Variants in ACAA1 observed in about 807,000 individuals in gnomAD.
The protein encoded by ACAA1 is acetyl-CoA acyltransferase 1.
A neutral mutation model predicts 48.8 loss-of-function variants in ACAA1; 44 were observed. That is an observed-to-expected ratio of 0.90 (90% CI 0.71 to 1.16). ACAA1 has a LOEUF of 1.16. Among genes scored for constraint, ACAA1 ranks in the 50% most tolerant of loss-of-function variants. ACAA1 has a pLI of 0.00. For synonymous variants in ACAA1, 233 were observed against 226.5 expected, an observed-to-expected ratio of 1.03 and a Z score of -0.26; for missense variants, 512 against 562.3, an observed-to-expected ratio of 0.91 and a Z score of 0.90.
intron 11 of ACAA1, chr3:38,123,964 A>T (rs1404340739): frequency 1.3e-5 from 2 of 151,484 alleles, no homozygotes; most frequent in African/African-American, 4.8e-5. Flanking sequence ...CCGAGATCAC[A>T]CCACTGCACT....
chr3:38,134,100 T>A, intron 2 of ACAA1, 91 bp from the exon 3 acceptor site: 1 of 1,317,222 alleles, frequency 7.6e-7, no homozygotes, highest in Non-Finnish European at 1.1e-6. Flanking sequence ...GCATTCCAGA[T>A]CTTTCTTCGG....
At position 38,137,006 on chromosome 3, in the gene ACAA1, G is replaced by A; in HGVS notation, c.30C>T (p.His10=). MQRLQVVLG[H]LRGPADSGWM... ...AGCCGGAATCGGCCGGACCCCTCAG[G>A]TGGCCCAGCACTACCTGCAGCCTCT... is the stretch of plus-strand genomic sequence containing the variant. Residue 10 remains histidine (H), a synonymous_variant, in exon 1 of 12, where the codon CAC becomes CAT. Transcript: ENST00000333167. 1.9e-6 allele frequency: 3 copies of A among 1,566,832 alleles called. No individual in the cohort carries two copies. The highest frequency in any genetic ancestry group is 2.6e-6 in the Non-Finnish European group (3 of 1,158,150).
intron 2 of ACAA1, chr3:38,134,547 G>T (rs1331010095): frequency 2.2e-6 from 1 of 455,470 alleles, no homozygotes; most frequent in South Asian, 1.6e-5. Flanking sequence ...GAAACTCCAT[G>T]TTGATCTGTA....
At chr3:38,131,327 T>C (rs1700782856) in intron 5 of ACAA1, among the ~76,000 whole-genome samples, 1 of 152,194 alleles carries the variant, frequency 6.6e-6, no homozygotes, top group African/African-American at 2.4e-5. Context: ...TCAAAATGTT[T>C]TCCCACCTTT....
chr3:38,126,657 C>CAATCTCAGCA lies in ACAA1; in HGVS notation c.669_670insTGCTGAGATT (p.Val224CysfsTer2). 1 of 1,614,144 alleles carries CAATCTCAGCA rather than the reference C, an allele frequency of 6.2e-7. No individual in the cohort carries two copies. Among genetic ancestry groups the CAATCTCAGCA allele is most frequent in the Non-Finnish European group, 8.5e-7 (1 of 1,180,006 alleles). Reference sequence around the variant, plus strand: ...TCATGGACCGTGGTGGTCACAGGCACAATCTCAGCTTGGAAACAGCCCTTG... The same window carrying CAATCTCAGCA: ...TCATGGACCGTGGTGGTCACAGGCACAATCTCAGCAAATCTCAGCTTGGAAACAGCCCTTG... On this transcript the variant is annotated stop_gained and frameshift_variant, in exon 8 of 12. Transcript: ENST00000333167. LOFTEE classifies it high-confidence loss of function. The surrounding 1 kb of genome is among the most constrained non-coding windows in gnomAD (Gnocchi z 4.7).
intron 5 of ACAA1, among the ~76,000 whole-genome samples, chr3:38,131,034 C>T (rs1011539022): frequency 2.6e-5 from 4 of 152,242 alleles, no homozygotes; most frequent in Non-Finnish European, 5.9e-5. Context: ...ACTTCTGCAG[C>T]TCCATTTGCT....
chr3:38,128,513 A>G (rs1700723917), intron 6 of ACAA1, among the ~76,000 whole-genome samples: 1 of 152,250 alleles, frequency 6.6e-6, no homozygotes, highest in Admixed American at 6.5e-5. Flanking sequence ...TAGTGGATCC[A>G]GGACTCCTGG....
At chr3:38,132,055 CT>C in intron 3 of ACAA1, 50 bp from the exon 4 acceptor site, 1 of 1,543,424 alleles carries the variant, frequency 6.5e-7, no homozygotes, top group Non-Finnish European at 8.9e-7. Flanking sequence ...CCATGCCAGG[CT>C]CTCATGGAAA....
In ACAA1 at chr3:38,137,108, C is replaced by T; in HGVS notation, c.-73G>A. The T allele has an allele frequency of 7.9e-7, 1 of 1,264,902 alleles. No homozygotes were observed. The highest frequency in any genetic ancestry group is 1.1e-6 in the Non-Finnish European group (1 of 928,082). 78.4% of individuals were successfully genotyped at this position (1,264,902 alleles called of 1,614,324 possible). ...CGGAGTTAACAGACAGCCGTCCGCA[C>T]ACGCGCAGAACCACATCTCAGCCTC... On this transcript the variant is annotated 5_prime_UTR_variant, in exon 1 of 12. The change creates a new upstream start codon in the 5' untranslated region. Coordinates refer to ENST00000333167, the MANE Select transcript of ACAA1 (RefSeq NM_001607.4).
Position 38,133,957 on chromosome 3 carries a change from A to G in ACAA1, c.318T>C (p.Phe106=), listed in dbSNP as rs747265048. 6.2e-7 allele frequency: 1 copy of G among 1,614,218 alleles called. No homozygotes were observed. Among genetic ancestry groups the G allele is most frequent in the Non-Finnish European group, 8.5e-7 (1 of 1,180,042 alleles). The change falls in exon 3 of 12, where the codon TTT becomes TTC. Residue 106 remains phenylalanine (F), a synonymous_variant. Transcript: ENST00000333167. ...CTAGAACTAGAAAAGTTTACCTCAG[A>G]AACTGGGCGATTCGGGCCATGATTG... is the stretch of plus-strand genomic sequence containing the variant. The part of the protein sequence containing the change: ...AGAIMARIAQ[F]LSDIPETVPL...
chr3:38,126,369 G>A lies in ACAA1; in HGVS notation c.818-28C>T. The A allele has an allele frequency of 6.2e-7, 1 of 1,609,768 alleles. No homozygotes were observed. Among genetic ancestry groups the A allele is most frequent in the Non-Finnish European group, 8.5e-7 (1 of 1,177,434 alleles). On this transcript the variant is annotated intron_variant, in intron 8 of 11. Coordinates refer to ENST00000333167, the MANE Select transcript of ACAA1 (RefSeq NM_001607.4). The surrounding 1 kb of genome is among the most constrained non-coding windows in gnomAD (Gnocchi z 4.7). ...AGGGGCAAACTGTTGGGGTAAGAAG[G>A]CATCGGGGTGGGGATGAGGAGATCC...
At position 38,131,867 on chromosome 3, in the gene ACAA1, A is replaced by G. The variant is rs1311519708; in HGVS notation, c.403+59T>C. The G allele has an allele frequency of 2.0e-6, 3 of 1,507,324 alleles. No homozygotes were observed. In the East Asian group the frequency reaches 6.8e-5, roughly 34 times the overall value. 93.4% of individuals were successfully genotyped at this position (1,507,324 alleles called of 1,614,324 possible). On this transcript the variant is annotated intron_variant, in intron 4 of 11. Transcript: ENST00000333167. ...ATTATTGCTTGCCCGGCAGACAGCG[A>G]CTTTGCTGACCCAAACCCACAGGTC...
At chr3:38,134,586 G>A in intron 2 of ACAA1, 1 of 451,844 alleles carries the variant, frequency 2.2e-6, no homozygotes, top group Non-Finnish European at 4.4e-6. Context: ...GCTTTGAGAT[G>A]CTGTTAATCT....
chr3:38,132,279 C>G, intron 3 of ACAA1: 1 of 226,616 alleles, frequency 4.4e-6, no homozygotes, highest in Non-Finnish European at 8.9e-6. Flanking sequence ...CAAGCACAGC[C>G]CAAAGGCAAG....
In ACAA1 at chr3:38,122,789, G is replaced by T. The variant is rs908667913; in HGVS notation, c.*258C>A. The T allele has an allele frequency of 8.2e-6, 9 of 1,103,312 alleles. No individual in the cohort carries two copies. Among genetic ancestry groups the T allele is most frequent in the Non-Finnish European group, 1.1e-5 (9 of 804,258 alleles). 68.3% of individuals were successfully genotyped at this position (1,103,312 alleles called of 1,614,324 possible). On this transcript the variant is annotated 3_prime_UTR_variant, in exon 12 of 12. Transcript: ENST00000333167. ...TGCCTTGCCTTAAGAATTAACCATG[G>T]CCTTGTGGCCTGGGTGACCCAGGCT...
intron 2 of ACAA1, among the ~76,000 whole-genome samples, chr3:38,136,181 A>C (rs1369636215): frequency 1.3e-5 from 2 of 152,248 alleles, no homozygotes. Flanking sequence ...ACAGATTAAC[A>C]GCATCTCAAG....
At chr3:38,130,261 G>T (rs772894226) in intron 5 of ACAA1, among the ~76,000 whole-genome samples, 5 of 152,208 alleles carry the variant, frequency 3.3e-5, no homozygotes, top group Non-Finnish European at 7.3e-5. Flanking sequence ...GCACTATTCT[G>T]AATTCTTTTG....
chr3:38,124,512 T>C (rs1213492842), intron 11 of ACAA1: 2 of 151,656 alleles, frequency 1.3e-5, no homozygotes, highest in African/African-American at 4.9e-5. Context: ...GAGGCTGAGG[T>C]GGGAGGATTG....
At chr3:38,136,816 C>A in intron 1 of ACAA1, 49 bp downstream of exon 1, 2 of 1,486,936 alleles carry the variant, frequency 1.3e-6, no homozygotes, top group South Asian at 1.3e-5. Flanking sequence ...CGGACCCCAG[C>A]CCGCGCCGGC....
Sources: gnomAD v4.1 joint callset for allele counts (sites outside exome capture counted in the v4.1 genomes callset) on GRCh38, gnomAD v4.1.1 for gene constraint, Gnocchi (gnomAD v3.1) non-coding constraint, MANE v1.5 for transcripts, NCBI Gene and HGNC (gene_info 2026-07-23, HGNC 2026-07-21) for gene names.